Variants in CDHR2 observed in about 807,000 individuals in gnomAD.
CDHR2 encodes the protein cadherin related family member 2.
Under a neutral mutation model 138.6 loss-of-function variants are expected in CDHR2, and 104 were observed. That is an observed-to-expected ratio of 0.75 (90% CI 0.64 to 0.88). The LOEUF is 0.88. Ranked by LOEUF, CDHR2 falls within the 40% of genes least tolerant of loss-of-function variation. CDHR2 has a pLI of 0.00. For missense variants in CDHR2, 1,624 were observed against 1,727.6 expected, an observed-to-expected ratio of 0.94 and a Z score of 1.06; for synonymous variants, 755 against 742.8, an observed-to-expected ratio of 1.02 and a Z score of -0.27.
At chr5:176,586,459 G>A (rs559503492) in intron 20 of CDHR2, among the ~76,000 whole-genome samples, 1 of 152,352 alleles carries the variant, frequency 6.6e-6, no homozygotes, top group South Asian at 2.1e-4. Context: ...GCCTCCCAAA[G>A]TGCTGGGATT....
chr5:176,589,766 C>T (rs1391579029), intron 24 of CDHR2, 150 bp downstream of exon 24: 9 of 729,988 alleles, frequency 1.2e-5, no homozygotes, highest in South Asian at 3.5e-5. Flanking sequence ...TTCACCTGCA[C>T]GACGTTCTTG....
chr5:176,588,784 A>G (rs1281187108), intron 21 of CDHR2, among the ~76,000 whole-genome samples: 1 of 152,022 alleles, frequency 6.6e-6, no homozygotes, highest in Non-Finnish European at 1.5e-5. Flanking sequence ...GGATTTCCAC[A>G]TGTGAGGGAC....
In CDHR2 at chr5:176,587,396, C is replaced by G. The variant is rs1035888973; in HGVS notation, c.2856+554C>G. Among the ~76,000 whole-genome samples, 10 of 151,858 alleles carry G rather than the reference C, an allele frequency of 6.6e-5. No individual in the cohort carries two copies. The East Asian group carries it at 1.4e-3, about 21-fold the overall frequency. ...TCGAGAGGCGGAGGTTGCGGTGAGT[C>G]GAGATCACGCCATTGCACTCCAGCC... On this transcript the variant is annotated intron_variant, in intron 21 of 31. Transcript: ENST00000261944.
rs531374667 is a variant in CDHR2 at position 176,553,138 on chromosome 5, T to C, written c.-16+3724T>C. Among the ~76,000 whole-genome samples, 42 of 151,936 alleles carry C rather than the reference T, an allele frequency of 2.8e-4. 1 individual carries two copies. The highest frequency in any genetic ancestry group is 9.4e-4 in the African/African-American group (39 of 41,414). On this transcript the variant is annotated intron_variant, in intron 1 of 31. Transcript: ENST00000261944. This position sits in a 1 kb window ranked among gnomAD's most constrained non-coding sequence, Gnocchi z 4.3. ...AGGGGGAGGCGCCTCGGGGACTGGGTGAAGGTCCTGGTTCGGGCTGTTCTC... is the reference window on the plus strand; with the variant it reads ...AGGGGGAGGCGCCTCGGGGACTGGGCGAAGGTCCTGGTTCGGGCTGTTCTC...
chr5:176,584,560 T>A lies in CDHR2; in HGVS notation c.2279T>A (p.Leu760Gln). ...GAGWAEGYLR[L>Q]PPDVSLDYET... ...GGGTGGGCTGAGGGCTACCTCCGGC[T>A]GCCCCCGGACGTGAGCCTGGATTAC... Residue 760 changes from leucine (L) to glutamine (Q), a missense_variant, in exon 19 of 32, where the codon CTG becomes CAG. Around this residue, in one of 3 missense-constraint regions of CDHR2, gnomAD observed 1,061 missense variants for 1,136.6 expected, o/e 0.93. Transcript: ENST00000261944. 2 of 1,612,060 alleles carry A rather than the reference T, an allele frequency of 1.2e-6. No homozygotes were observed. Among genetic ancestry groups the A allele is most frequent in the South Asian group, 2.2e-5 (2 of 90,810 alleles).
At position 176,584,400 on chromosome 5, in the gene CDHR2, T is replaced by A; in HGVS notation, c.2129-10T>A. On this transcript the variant is annotated splice_polypyrimidine_tract_variant and intron_variant, in intron 18 of 31. Transcript: ENST00000261944. ...CAGGAGTCCTTCTGAGCTCTGCCCCTTGTCCACAGGAGTGCTAGTGGGCGT... is the reference window on the plus strand; with the variant it reads ...CAGGAGTCCTTCTGAGCTCTGCCCCATGTCCACAGGAGTGCTAGTGGGCGT... The A allele has an allele frequency of 6.3e-7, 1 of 1,599,222 alleles. No homozygotes were observed. The highest frequency in any genetic ancestry group is 1.1e-5 in the South Asian group (1 of 88,370).
intron 6 of CDHR2, among the ~76,000 whole-genome samples, chr5:176,573,633 T>A (rs1312287514): frequency 1.4e-5 from 2 of 145,914 alleles, no homozygotes; most frequent in Non-Finnish European, 3.0e-5. Flanking sequence ...GGCGAAAGAG[T>A]GAAACTCCAT....
intron 1 of CDHR2, 59 bp from the exon 2 acceptor site, chr5:176,565,279 A>G: frequency 8.1e-7 from 1 of 1,233,242 alleles, no homozygotes; most frequent in Non-Finnish European, 1.2e-6. Context: ...GGCAGATGGG[A>G]GTCTGCCAAA....
At chr5:176,591,539 CGGTGGTGGTGGTGATGGTGTTGGT>C (rs1758846097) in intron 30 of CDHR2, 55 bp downstream of exon 30, 3 of 1,314,856 alleles carry the variant, frequency 2.3e-6, no homozygotes, top group African/African-American at 1.4e-5. Context: ...CAGGTAGTGA[CGGTGGTGGTGGTGATGGTGTTGGT>C]GGTGATGATG....
intron 5 of CDHR2, among the ~76,000 whole-genome samples, chr5:176,569,961 A>G (rs1300839356): frequency 7.0e-6 from 1 of 143,860 alleles, no homozygotes; most frequent in Non-Finnish European, 1.5e-5. Context: ...CTCCGTCTCA[A>G]AAAAAAAAAA....
At chr5:176,574,532 C>T (rs988051594) in intron 7 of CDHR2, among the ~76,000 whole-genome samples, 2 of 152,178 alleles carry the variant, frequency 1.3e-5, no homozygotes, top group African/African-American at 4.8e-5. Context: ...TGTATAGTCG[C>T]CCCTTGGTAT....
intron 15 of CDHR2, 107 bp from the exon 16 acceptor site, chr5:176,578,258 C>A: frequency 1.6e-6 from 2 of 1,232,912 alleles, no homozygotes; most frequent in Non-Finnish European, 2.3e-6. Flanking sequence ...GAATATGTTG[C>A]ATATACTGCA....
At chr5:176,571,685 C>T (rs138080239) in intron 6 of CDHR2, among the ~76,000 whole-genome samples, 2,461 of 152,152 alleles carry the variant, frequency 0.016, 48 homozygotes, top group African/African-American at 0.055. Context: ...TACAGGCGCC[C>T]GCCACCTCGC....
At position 176,590,130 on chromosome 5, in the gene CDHR2, A is replaced by G. The variant is rs748883354; in HGVS notation, c.3259A>G (p.Ile1087Val). Reference protein sequence around the residue: ...TTVYIVDIQDIDSAARARPHS... With the variant: ...TTVYIVDIQDVDSAARARPHS... ...AGTATACATTGTGGACATTCAGGAC[A>G]TAGATTCTGCAGCTCGGTGAGTGCC... Residue 1087 changes from isoleucine (I) to valine (V), a missense_variant, in exon 25 of 32, where the codon ATA becomes GTA. Coordinates refer to ENST00000261944, the MANE Select transcript of CDHR2 (RefSeq NM_017675.6). 6.2e-7 allele frequency: 1 copy of G among 1,613,838 alleles called. No individual in the cohort carries two copies. The highest frequency in any genetic ancestry group is 8.5e-7 in the Non-Finnish European group (1 of 1,179,976).
At chr5:176,569,663 A>G (rs1447641439) in intron 5 of CDHR2, among the ~76,000 whole-genome samples, 1 of 151,950 alleles carries the variant, frequency 6.6e-6, no homozygotes, top group Non-Finnish European at 1.5e-5. Context: ...AGGCAAAATC[A>G]CTCTCAACTG....
intron 1 of CDHR2, among the ~76,000 whole-genome samples, chr5:176,561,262 T>G (rs6869071): frequency 1.3e-5 from 2 of 152,044 alleles, no homozygotes; most frequent in Non-Finnish European, 1.5e-5. Flanking sequence ...CCCAAGGTTA[T>G]GCTGGATTTG....
At chr5:176,549,986 G>A (rs770226828) in intron 1 of CDHR2, among the ~76,000 whole-genome samples, 12 of 152,190 alleles carry the variant, frequency 7.9e-5, no homozygotes, top group African/African-American at 1.2e-4. Context: ...TGTCAGGCAG[G>A]GACTGACCCA....
upstream of CDHR2, among the ~76,000 whole-genome samples, chr5:176,546,821 A>C (rs1757594357): frequency 6.6e-6 from 1 of 150,680 alleles, no homozygotes; most frequent in African/African-American, 2.4e-5. Flanking sequence ...TGGTCTCTTA[A>C]CCCCTGCATT....
At chr5:176,544,409 C>A (rs1490165968), upstream of CDHR2, among the ~76,000 whole-genome samples, 1 of 91,974 alleles carries the variant, frequency 1.1e-5, no homozygotes, top group African/African-American at 3.3e-5. Context: ...CTTCTATTTC[C>A]TTTCTTCTTT....
Sources: allele counts gnomAD v4.1 joint callset (sites outside exome capture counted in the v4.1 genomes callset), GRCh38; gene constraint gnomAD v4.1.1; regional missense constraint gnomAD v4.1.1; non-coding constraint Gnocchi (gnomAD v3.1); transcripts MANE v1.5; gene names NCBI Gene and HGNC (gene_info 2026-07-23, HGNC 2026-07-21).